HACD4: variants seen among roughly 807,000 people sequenced by gnomAD.
HACD4 encodes very-long-chain (3R)-3-hydroxyacyl-CoA dehydratase 4.
HACD4 carries 35 observed loss-of-function variants against 33.3 expected under a neutral mutation model. That is an observed-to-expected ratio of 1.05 (90% confidence interval 0.80 to 1.39). The LOEUF (loss-of-function observed/expected upper bound fraction) is 1.39. Ranked by LOEUF, HACD4 falls within the 40% of genes most tolerant of loss-of-function variation. The pLI is 0.00. For synonymous variants in HACD4, 118 were observed against 98.0 expected (o/e 1.20, Z -1.21); for missense variants, 323 against 276.5 (o/e 1.17, Z -1.19).
In HACD4 at chr9:21,001,784, A is replaced by G. The variant is rs570460761; in HGVS notation, c.*5253T>C. The G allele has an allele frequency of 2.0e-5, 3 of 152,260 alleles. No individual in the cohort carries two copies. Among genetic ancestry groups the G allele is most frequent in the Non-Finnish European group, 4.4e-5 (3 of 67,978 alleles). 9.4% of individuals were successfully genotyped at this position (152,260 alleles called of 1,614,324 possible). ...CTGTATTTGACAAAACTGTTCTTCA[A>G]ACGTGAGAGAGAAATTAAGACATCC... On this transcript the variant is annotated 3_prime_UTR_variant, in exon 7 of 7. Coordinates refer to ENST00000495827, the MANE Select transcript of HACD4 (RefSeq NM_001010915.5).
intron 3 of HACD4, among the ~76,000 whole-genome samples, chr9:21,023,706 C>T (rs948907348): frequency 1.3e-5 from 2 of 151,864 alleles, no homozygotes; most frequent in Non-Finnish European, 2.9e-5. Flanking sequence ...TCCCGAGTAG[C>T]TGGGATCACA....
intron 3 of HACD4, among the ~76,000 whole-genome samples, chr9:21,018,404 T>C (rs1263966350): frequency 6.6e-6 from 1 of 152,164 alleles, no homozygotes; most frequent in Non-Finnish European, 1.5e-5. Flanking sequence ...ACTAAGACTC[T>C]TTCACCATTG....
intron 4 of HACD4, among the ~76,000 whole-genome samples, chr9:21,013,820 T>A (rs1842494061): frequency 6.6e-6 from 1 of 152,246 alleles, no homozygotes; most frequent in Non-Finnish European, 1.5e-5. Flanking sequence ...TAAAAATAAT[T>A]CATTTTTACA....
intron 4 of HACD4, chr9:21,015,407 T>C (rs1842532712): frequency 6.5e-6 from 1 of 152,934 alleles, no homozygotes; most frequent in South Asian, 2.1e-4. Flanking sequence ...TGCAAAGTTT[T>C]AGAATTAGCA....
At chr9:21,027,312 G>C (rs539589941) in intron 2 of HACD4, among the ~76,000 whole-genome samples, 2 of 152,270 alleles carry the variant, frequency 1.3e-5, no homozygotes, top group Admixed American at 1.3e-4. Flanking sequence ...TTGCATTGCA[G>C]AGGGTTCACA....
intron 5 of HACD4, among the ~76,000 whole-genome samples, 169 bp from the exon 6 acceptor site, chr9:21,008,315 T>G (rs896635496): frequency 6.6e-6 from 1 of 152,168 alleles, no homozygotes; most frequent in African/African-American, 2.4e-5. Context: ...TGTGAAATGA[T>G]TAAGTTGGCA....
rs61736077 is a variant in HACD4 at position 21,016,010 on chromosome 9, G to A, written c.271C>T (p.Leu91Phe). 8,836 of 1,602,830 alleles carry A rather than the reference G, an allele frequency of 5.5e-3. 28 individuals carry two copies. The highest frequency in any genetic ancestry group is 6.9e-3 in the Non-Finnish European group (8,050 of 1,170,486). The change falls in exon 4 of 7, where the codon CTC becomes TTC. Residue 91 changes from leucine to phenylalanine, a missense_variant and splice_region_variant. Physicochemically the swap from Leu to Phe is conservative, Grantham distance 22. Transcript: ENST00000495827. Reference protein sequence around the residue: ...SNHLLPRFLQLTERIIILFVV... With the variant: ...SNHLLPRFLQFTERIIILFVV... The stretch of plus-strand genomic sequence containing the variant: ...AAAAGGATGATTATTCTTTCTGTGA[G>A]CTAACAAAGAAACAGCAAAGTCAGA...
In HACD4 at chr9:21,011,692, G is replaced by A. The variant is rs1293837644; in HGVS notation, c.387C>T (p.Tyr129=). The A allele has an allele frequency of 3.2e-6, 5 of 1,564,062 alleles. No individual in the cohort carries two copies. Among genetic ancestry groups the A allele is most frequent in the Middle Eastern group, 1.7e-4 (1 of 5,962 alleles). Residue 129 remains tyrosine, a synonymous_variant, in exon 5 of 7, where the codon TAC becomes TAT. Coordinates refer to ENST00000495827, the MANE Select transcript of HACD4 (RefSeq NM_001010915.5). ...CTATGACTGATAACATGCTATAAGT[G>A]TACCTGAAAGGAGATGAGAAGCTCA... ...VFWNLLDMVR[Y]TYSMLSVIGI... is the part of the protein sequence containing the mutation.
Position 21,000,021 on chromosome 9 carries a change from A to G in HACD4, c.*7016T>C, listed in dbSNP as rs187512391. On this transcript the variant is annotated 3_prime_UTR_variant, in exon 7 of 7. Coordinates refer to ENST00000495827, the MANE Select transcript of HACD4 (RefSeq NM_001010915.5). ...ACTCAAAGAGTCATTCAGTTAGTAA[A>G]TAATGGAGCTTGATCTCAAATCAAA... The G allele has an allele frequency of 1.6e-4, 24 of 152,338 alleles. No individual in the cohort carries two copies. Among genetic ancestry groups the G allele is most frequent in the African/African-American group, 5.5e-4 (23 of 41,582 alleles). 9.4% of individuals were successfully genotyped at this position (152,338 alleles called of 1,614,324 possible).
chr9:21,008,165 A>G lies in HACD4; in HGVS notation c.491-19T>C. Reference sequence around the variant, plus strand: ...GCAAATGCTGTTAAAAAAGAAAGGCATCATAAAGGTATTCCTCCTTAAGTT... The same window carrying G: ...GCAAATGCTGTTAAAAAAGAAAGGCGTCATAAAGGTATTCCTCCTTAAGTT... On this transcript the variant is annotated intron_variant, in intron 5 of 6. Coordinates refer to ENST00000495827, the MANE Select transcript of HACD4 (RefSeq NM_001010915.5). 1.3e-6 allele frequency: 2 copies of G among 1,598,036 alleles called. No individual in the cohort carries two copies. Among genetic ancestry groups the G allele is most frequent in the Non-Finnish European group, 1.7e-6 (2 of 1,172,920 alleles).
At chr9:21,014,525 C>T (rs1409310662) in intron 4 of HACD4, among the ~76,000 whole-genome samples, 1 of 152,130 alleles carries the variant, frequency 6.6e-6, no homozygotes, top group Non-Finnish European at 1.5e-5. Context: ...TCCATAGAGA[C>T]AGCATATGTG....
intron 3 of HACD4, among the ~76,000 whole-genome samples, chr9:21,025,502 T>C (rs1818039651): frequency 6.6e-6 from 1 of 152,170 alleles, no homozygotes; most frequent in South Asian, 2.1e-4. Flanking sequence ...TTATCAATTT[T>C]TCAAATTTAT....
rs1842230094 is a variant in HACD4 at position 21,004,791 on chromosome 9, A to G, written c.*2246T>C. 6.6e-6 allele frequency: 1 copy of G among 152,258 alleles called. No homozygotes were observed. Among genetic ancestry groups the G allele is most frequent in the Non-Finnish European group, 1.5e-5 (1 of 68,062 alleles). 9.4% of individuals were successfully genotyped at this position (152,258 alleles called of 1,614,324 possible). ...AACCAATATATAAAGATGTGGAAGC[A>G]GCTTTGACGTTAGGTAACAGATAGA... On this transcript the variant is annotated 3_prime_UTR_variant, in exon 7 of 7. Coordinates refer to ENST00000495827, the MANE Select transcript of HACD4 (RefSeq NM_001010915.5). The surrounding 1 kb of genome is among the most constrained non-coding windows in gnomAD (Gnocchi z 4.6).
At chr9:21,025,374 CTCTT>C (rs1475352828) in intron 3 of HACD4, among the ~76,000 whole-genome samples, 1 of 149,594 alleles carries the variant, frequency 6.7e-6, no homozygotes, top group Non-Finnish European at 1.5e-5. Context: ...ATCTATACCA[CTCTT>C]TCATTTAACA....
intron 1 of HACD4, among the ~76,000 whole-genome samples, chr9:21,030,427 T>A (rs1370319577): frequency 6.6e-6 from 1 of 151,732 alleles, no homozygotes; most frequent in African/African-American, 2.4e-5. Context: ...GGGCGACAGA[T>A]CAAAACTCTG....
In HACD4 at chr9:21,002,111, T is replaced by C. The variant is rs1842175603; in HGVS notation, c.*4926A>G. On this transcript the variant is annotated 3_prime_UTR_variant, in exon 7 of 7. Transcript: ENST00000495827. ...CTTAAAGGAGTGATAGACAGAGATA[T>C]AAAGAGCAGAATTTTTGTATATTTT... is the stretch of plus-strand genomic sequence containing the variant. 1 of 152,104 alleles carries C rather than the reference T, an allele frequency of 6.6e-6. No individual in the cohort carries two copies. The highest frequency in any genetic ancestry group is 1.5e-5 in the Non-Finnish European group (1 of 67,988). 9.4% of individuals were successfully genotyped at this position (152,104 alleles called of 1,614,324 possible). A position where few individuals can be genotyped will look rare whatever the true frequency, so the allele number is the denominator to read the frequency against.
At chr9:21,016,484 G>A (rs959472558) in intron 3 of HACD4, among the ~76,000 whole-genome samples, 1 of 152,194 alleles carries the variant, frequency 6.6e-6, no homozygotes, top group Non-Finnish European at 1.5e-5. Flanking sequence ...GATTAATGAA[G>A]ACATGCTACA....
intron 1 of HACD4, among the ~76,000 whole-genome samples, chr9:21,030,744 A>G (rs1466011506): frequency 1.3e-5 from 2 of 152,228 alleles, no homozygotes; most frequent in Non-Finnish European, 2.9e-5. Context: ...ACATATCGAA[A>G]GCAGTTTAGT....
chr9:21,021,702 A>G (rs532950997), intron 3 of HACD4, among the ~76,000 whole-genome samples: 22 of 152,304 alleles, frequency 1.4e-4, no homozygotes, highest in Admixed American at 7.2e-4. Flanking sequence ...AAGGAGAACT[A>G]CAAACCACTG....
Sources: allele counts gnomAD v4.1 joint callset (sites outside exome capture counted in the v4.1 genomes callset), GRCh38; gene constraint gnomAD v4.1.1; non-coding constraint Gnocchi (gnomAD v3.1); transcripts MANE v1.5; gene names NCBI Gene and HGNC (gene_info 2026-07-23, HGNC 2026-07-21).